The following ALX3 variants were observed in gnomAD, a reference collection of about 807,000 sequenced individuals.
ALX3 encodes homeobox protein aristaless-like 3.
ALX3 carries 17 observed loss-of-function variants against 26.3 expected under a neutral mutation model. The observed-to-expected ratio is 0.65, with a 90% CI of 0.44 to 0.97. The LOEUF (loss-of-function observed/expected upper bound fraction) is 0.97. Ranked by LOEUF, ALX3 falls within the 50% of genes least tolerant of loss-of-function variation. The pLI is 0.00. For missense variants in ALX3, 461 were observed against 466.5 expected, an observed-to-expected ratio of 0.99 and a Z score of 0.11; for synonymous variants, 208 against 201.4, an observed-to-expected ratio of 1.03 and a Z score of -0.28.
intron 1 of ALX3, 104 bp from the exon 2 acceptor site, chr1:110,065,007 C>T: frequency 2.5e-6 from 3 of 1,199,240 alleles, no homozygotes; most frequent in South Asian, 3.2e-5. Context: ...TCTCCGCCTC[C>T]CCCTTCCTTT....
chr1:110,068,398 G>T (rs2101799487), intron 1 of ALX3, among the ~76,000 whole-genome samples: 2 of 152,346 alleles, frequency 1.3e-5, no homozygotes, highest in Middle Eastern at 6.8e-3. Context: ...GCCGAGGTCC[G>T]CTCTGCCGCA....
chr1:110,068,077 CAG>C (rs1653831963), intron 1 of ALX3, among the ~76,000 whole-genome samples: 4 of 152,234 alleles, frequency 2.6e-5, no homozygotes, highest in Non-Finnish European at 4.4e-5. Flanking sequence ...AGCCTGGGTT[CAG>C]AGCAAGGCTG....
At chr1:110,063,809 C>T (rs1231012905) in intron 2 of ALX3, among the ~76,000 whole-genome samples, 1 of 151,906 alleles carries the variant, frequency 6.6e-6, no homozygotes, top group African/African-American at 2.4e-5. Context: ...AACTCCTTCC[C>T]CATCCCCAGC....
chr1:110,066,653 TCTTGGTGTCTTGTGTTTGTAGGGAGG>T (rs1437355512), intron 1 of ALX3, among the ~76,000 whole-genome samples: 4 of 119,806 alleles, frequency 3.3e-5, no homozygotes, highest in Non-Finnish European at 6.3e-5. Flanking sequence ...GAAGAAAGAG[TCTTGGTGTCTTGTGTTTGTAGGGAGG>T]CTGTGCTGGA....
At chr1:110,067,624 C>G (rs1013496551) in intron 1 of ALX3, among the ~76,000 whole-genome samples, 2 of 152,238 alleles carry the variant, frequency 1.3e-5, no homozygotes, top group East Asian at 1.9e-4. Context: ...ACTGTCCCCA[C>G]AGAAGGCATC....
Position 110,064,833 on chromosome 1 carries a change from G to C in ALX3, c.348C>G (p.Asp116Glu), listed in dbSNP as rs146795178. 6.2e-7 allele frequency: 1 copy of C among 1,613,618 alleles called. No individual in the cohort carries two copies. The highest frequency in any genetic ancestry group is 1.1e-5 in the South Asian group (1 of 91,086). Residue 116 changes from aspartate to glutamate, a missense_variant, in exon 2 of 4, where the codon GAC (aspartate) becomes GAG (glutamate). Asp to Glu is a conservative substitution (Grantham distance 45). Transcript: ENST00000647563. ...LPLDCRGGPR[D>E]GPSNLQGSPG... is the part of the protein sequence containing the mutation. ...GGGAGCCTTGCAAGTTAGAGGGCCCGTCTCTGGGGCCCCCTCGGCAGTCCA... is the reference window on the plus strand; with the variant it reads ...GGGAGCCTTGCAAGTTAGAGGGCCCCTCTCTGGGGCCCCCTCGGCAGTCCA...
Position 110,070,573 on chromosome 1 carries a change from C to A in ALX3, c.40G>T (p.Ala14Ser). ...CCCGAGGCCACATAGGGGCCGGGTG[C>A]AGGCCCCACGCGGAAAGGCGCGCAG... Reference protein sequence around the residue: ...EHCAPFRVGPAPGPYVASGDE... With the variant: ...EHCAPFRVGPSPGPYVASGDE... Residue 14 changes from alanine to serine, a missense_variant, in exon 1 of 4, where the codon GCA becomes TCA. By Grantham distance (99) the Ala-to-Ser change is moderately conservative. Around this residue, in one of 3 missense-constraint regions of ALX3, gnomAD observed 241 missense variants for 206.1 expected, o/e 1.17. Coordinates refer to ENST00000647563, the MANE Select transcript of ALX3 (RefSeq NM_006492.3). 1 of 1,302,166 alleles carries A rather than the reference C, an allele frequency of 7.7e-7. No homozygotes were observed. The highest frequency in any genetic ancestry group is 9.8e-7 in the Non-Finnish European group (1 of 1,023,492). The allele number at this position is 1,302,166 out of a possible 1,614,324, so 80.7% of individuals were successfully genotyped here.
rs1458148188 is a variant in ALX3, at chr1:110,060,678, C to T, written c.*55G>A. 9 of 492,156 alleles carry T rather than the reference C, an allele frequency of 1.8e-5. No homozygotes were observed. The highest frequency in any genetic ancestry group is 1.6e-5 in the Non-Finnish European group (6 of 373,966). The allele number at this position is 492,156 out of a possible 1,614,324, so 30.5% of individuals were successfully genotyped here. A position where few individuals can be genotyped will look rare whatever the true frequency, so the allele number is the denominator to read the frequency against. ...CTTGGAGGCAGAGGTGGGCTGGGAGCGACTGGGAATGGAAAAAGAGGTGGG... is the reference window on the plus strand; with the variant it reads ...CTTGGAGGCAGAGGTGGGCTGGGAGTGACTGGGAATGGAAAAAGAGGTGGG... On this transcript the variant is annotated 3_prime_UTR_variant, in exon 4 of 4. Transcript: ENST00000647563.
At chr1:110,066,063 G>C (rs1653773808) in intron 1 of ALX3, among the ~76,000 whole-genome samples, 1 of 152,268 alleles carries the variant, frequency 6.6e-6, no homozygotes. Flanking sequence ...GGCCCAGCTA[G>C]CTGGCACAAG....
At chr1:110,068,048 G>C (rs1653831078) in intron 1 of ALX3, among the ~76,000 whole-genome samples, 1 of 152,244 alleles carries the variant, frequency 6.6e-6, no homozygotes, top group African/African-American at 2.4e-5. Context: ...CGCGAGAGTG[G>C]CTGGCAGCGC....
chr1:110,061,179 AC>A, intron 3 of ALX3, 138 bp from the exon 4 acceptor site: 1 of 1,076,578 alleles, frequency 9.3e-7, no homozygotes, highest in Non-Finnish European at 1.4e-6. Context: ...ACCCCCTCTC[AC>A]CCCCAACACT....
chr1:110,066,361 C>G (rs1340354076), intron 1 of ALX3, among the ~76,000 whole-genome samples: 1 of 152,204 alleles, frequency 6.6e-6, no homozygotes, highest in Non-Finnish European at 1.5e-5. Context: ...ACACAGGTAG[C>G]CCACAGCTAC....
rs1306715457 is a variant in ALX3, at chr1:110,070,457, C to G, written c.156G>C (p.Pro52=). 6 of 1,255,380 alleles carry G rather than the reference C, an allele frequency of 4.8e-6. No individual in the cohort carries two copies. Among genetic ancestry groups the G allele is most frequent in the Non-Finnish European group, 5.0e-6 (5 of 1,000,716 alleles). 77.8% of individuals were successfully genotyped at this position (1,255,380 alleles called of 1,614,324 possible). A position where few individuals can be genotyped will look rare whatever the true frequency, so the allele number is the denominator to read the frequency against. ...PPRGPRLTRF[P]ACGPLEPYLP... ...GGTAGGGCTCCAGGGGCCCGCAGGC[C>G]GGAAAGCGGGTCAGCCGCGGGCCGC... Residue 52 remains proline, a synonymous_variant, in exon 1 of 4, where the codon CCG becomes CCC. Transcript: ENST00000647563.
chr1:110,070,513 C>A lies in ALX3; in HGVS notation c.100G>T (p.Ala34Ser). 7.8e-7 allele frequency: 1 copy of A among 1,282,236 alleles called. No homozygotes were observed. Among genetic ancestry groups the A allele is most frequent in the South Asian group, 2.4e-5 (1 of 41,182 alleles). 79.4% of individuals were successfully genotyped at this position (1,282,236 alleles called of 1,614,324 possible). ...EPPGPQGTPAAAPHLHPAPPR... is the reference protein window; with the variant it reads ...EPPGPQGTPASAPHLHPAPPR... ...GGCGCGGGGTGCAGGTGAGGCGCAG[C>A]GGCGGGGGTTCCCTGCGGGCCCGGA... is the stretch of plus-strand genomic sequence containing the variant. The change falls in exon 1 of 4, where the codon GCT (alanine) becomes TCT (serine). Residue 34 changes from alanine (A) to serine (S), a missense_variant. By Grantham distance (99) the Ala-to-Ser change is moderately conservative. Transcript: ENST00000647563.
chr1:110,064,679 G>C lies in ALX3; in HGVS notation c.502C>G (p.Leu168Val), dbSNP rs121908167. 1.9e-6 allele frequency: 3 copies of C among 1,614,238 alleles called. No individual in the cohort carries two copies. Among genetic ancestry groups the C allele is most frequent in the Admixed American group, 1.7e-5 (1 of 60,038 alleles). The change falls in exon 2 of 4, where the codon CTG becomes GTG. Residue 168 changes from leucine (L) to valine (V), a missense_variant. This residue lies in a region of ALX3 where 51 missense variants were observed against 82.4 expected (regional missense o/e 0.62). Transcript: ENST00000647563. ...TTFSTFQLEE[L>V]EKVFQKTHYP... ...TGGGTTTTCTGGAAGACCTTCTCCA[G>C]CTCCTCCAGCTGGAATGTGCTGAAG...
intron 3 of ALX3, 23 bp from the exon 4 acceptor site, chr1:110,061,064 C>T: frequency 6.3e-7 from 1 of 1,590,528 alleles, no homozygotes; most frequent in Non-Finnish European, 8.6e-7. Flanking sequence ...GGAAAGAAGG[C>T]CCATGAGCCT....
At chr1:110,066,966 A>G (rs960359749) in intron 1 of ALX3, among the ~76,000 whole-genome samples, 1 of 152,210 alleles carries the variant, frequency 6.6e-6, no homozygotes, top group Non-Finnish European at 1.5e-5. Flanking sequence ...CTGCTGACCT[A>G]TGCCCAACTC....
Position 110,060,981 on chromosome 1 carries a change from A to G in ALX3, c.784T>C (p.Ser262Pro). The change falls in exon 4 of 4, where the codon TCT (serine) becomes CCT (proline). Residue 262 changes from serine to proline, a missense_variant. Coordinates refer to ENST00000647563, the MANE Select transcript of ALX3 (RefSeq NM_006492.3). ...CATGGGGAGGGGATGCCCTCTGGAG[A>G]CACAAGGCAGGGGCCTCCAGGGCTC... ...SGSPGGPCLV[S>P]PEGIPSPCMS... 9.3e-6 allele frequency: 15 copies of G among 1,612,618 alleles called. No individual in the cohort carries two copies. Among genetic ancestry groups the G allele is most frequent in the Non-Finnish European group, 1.2e-5 (14 of 1,179,640 alleles).
At chr1:110,066,730 G>A (rs1379766061) in intron 1 of ALX3, among the ~76,000 whole-genome samples, 1 of 152,142 alleles carries the variant, frequency 6.6e-6, no homozygotes, top group African/African-American at 2.4e-5. Context: ...AGGGCTGAGG[G>A]TCAGGGCTGG....
Sources: gnomAD v4.1 joint callset for allele counts (sites outside exome capture counted in the v4.1 genomes callset) on GRCh38, gnomAD v4.1.1 for gene constraint, gnomAD v4.1.1 regional missense constraint, MANE v1.5 for transcripts, NCBI Gene and HGNC (gene_info 2026-07-23, HGNC 2026-07-21) for gene names.